Variants in XKR6 observed in about 807,000 individuals in gnomAD.
The protein encoded by XKR6 is XK related 6, also known as XK-related protein 6.
XKR6 carries 22 observed loss-of-function variants against 56.7 expected under a neutral mutation model. The observed-to-expected ratio is 0.39, with a 90% CI of 0.28 to 0.55. The LOEUF is 0.55. XKR6 is among the 20% of genes least tolerant of loss of function. The pLI is 0.66. For missense variants in XKR6, 852 were observed against 889.0 expected (o/e 0.96, Z 0.53); for synonymous variants, 524 against 387.8 (o/e 1.35, Z -4.13).
intron 2 of XKR6, among the ~76,000 whole-genome samples, chr8:10,900,902 T>A (rs1476933829): frequency 7.0e-6 from 1 of 142,118 alleles, no homozygotes; most frequent in Non-Finnish European, 1.5e-5. Context: ...TCGCTCAGGC[T>A]GGAGTGCAGA....
chr8:11,098,421 T>G (rs1212647622), intron 1 of XKR6, among the ~76,000 whole-genome samples: 1 of 152,158 alleles, frequency 6.6e-6, no homozygotes, highest in Non-Finnish European at 1.5e-5. Context: ...TTTAGCAGTC[T>G]CGAGTTTTTC....
intron 1 of XKR6, among the ~76,000 whole-genome samples, chr8:11,053,654 C>G (rs982307225): frequency 1.2e-4 from 19 of 152,262 alleles, no homozygotes; most frequent in African/African-American, 4.6e-4. Context: ...CTTGTTCTCT[C>G]TGGAACCAGC....
intron 1 of XKR6, among the ~76,000 whole-genome samples, chr8:10,969,608 G>C (rs1371343048): frequency 6.6e-6 from 1 of 152,198 alleles, no homozygotes; most frequent in Non-Finnish European, 1.5e-5. Context: ...ACAGAATCAC[G>C]GGCTGGTGGG....
intron 1 of XKR6, among the ~76,000 whole-genome samples, chr8:11,145,563 T>C (rs559929279): frequency 3.3e-4 from 50 of 152,322 alleles, no homozygotes; most frequent in Middle Eastern, 3.4e-3. Context: ...ACTGTATTTC[T>C]ATAAAAATAA....
intron 1 of XKR6, among the ~76,000 whole-genome samples, chr8:11,092,287 G>A (rs113143353): frequency 2.6e-5 from 4 of 152,148 alleles, no homozygotes; most frequent in African/African-American, 7.2e-5. Context: ...ACACACACAC[G>A]CACTTATGAA....
chr8:11,070,390 T>C (rs1157060345), intron 1 of XKR6, among the ~76,000 whole-genome samples: 1 of 152,232 alleles, frequency 6.6e-6, no homozygotes, highest in Non-Finnish European at 1.5e-5. Context: ...TTGCTAGATT[T>C]CACATATGTA....
At chr8:11,098,523 C>A (rs974907977) in intron 1 of XKR6, among the ~76,000 whole-genome samples, 3 of 152,142 alleles carry the variant, frequency 2.0e-5, no homozygotes, top group African/African-American at 7.2e-5. Flanking sequence ...AATTTCACAA[C>A]TGGGACAGGA....
chr8:10,979,045 C>G (rs1476295993), intron 1 of XKR6, among the ~76,000 whole-genome samples: 2 of 152,136 alleles, frequency 1.3e-5, no homozygotes, highest in Admixed American at 1.3e-4. Context: ...TTTTTCCTAT[C>G]AAAGCCTGCT....
At chr8:10,950,894 C>T (rs1415204659) in intron 1 of XKR6, among the ~76,000 whole-genome samples, 3 of 152,204 alleles carry the variant, frequency 2.0e-5, no homozygotes, top group African/African-American at 7.2e-5. Flanking sequence ...GGTACTGTCA[C>T]TACATTTTTC....
intron 1 of XKR6, among the ~76,000 whole-genome samples, chr8:10,948,066 G>A (rs1017684214): frequency 6.6e-6 from 1 of 152,186 alleles, no homozygotes; most frequent in African/African-American, 2.4e-5. Flanking sequence ...CCTCAGAGAA[G>A]GGGACTCAGG....
intron 1 of XKR6, among the ~76,000 whole-genome samples, chr8:11,147,177 T>C (rs1302406299): frequency 1.3e-5 from 2 of 152,072 alleles, no homozygotes; most frequent in African/African-American, 4.8e-5. Flanking sequence ...CTTGATGGTG[T>C]TAATGGTTCC....
intron 1 of XKR6, chr8:11,124,268 C>G: frequency 2.9e-6 from 1 of 344,326 alleles, no homozygotes. Flanking sequence ...CTCTGTTAGG[C>G]AAAACACAAA....
At chr8:11,025,942 G>C (rs1160721208) in intron 1 of XKR6, among the ~76,000 whole-genome samples, 3 of 152,124 alleles carry the variant, frequency 2.0e-5, no homozygotes, top group South Asian at 2.1e-4. Context: ...AGATATCAAA[G>C]ACCAGATATC....
intron 1 of XKR6, among the ~76,000 whole-genome samples, chr8:11,172,201 C>A (rs1802411998): frequency 6.6e-6 from 1 of 152,008 alleles, no homozygotes; most frequent in South Asian, 2.1e-4. Context: ...GAACACCCAT[C>A]TCTACAAAAA....
intron 1 of XKR6, among the ~76,000 whole-genome samples, chr8:11,172,859 C>T (rs551596442): frequency 6.6e-6 from 1 of 152,248 alleles, no homozygotes; most frequent in Non-Finnish European, 1.5e-5. Context: ...ACGGGGAAAA[C>T]ATTTACTTTT....
At chr8:11,183,520 C>A (rs1277372420) in intron 1 of XKR6, among the ~76,000 whole-genome samples, 1 of 151,706 alleles carries the variant, frequency 6.6e-6, no homozygotes, top group Non-Finnish European at 1.5e-5. Flanking sequence ...AGGGTCCCAC[C>A]ATGCTGGGCT....
At chr8:11,011,436 G>A (rs2129146013) in intron 1 of XKR6, among the ~76,000 whole-genome samples, 1 of 152,364 alleles carries the variant, frequency 6.6e-6, no homozygotes, top group South Asian at 2.1e-4. Flanking sequence ...GCACCAGGCT[G>A]AGGAGGGTCC....
At chr8:11,132,077 C>A (rs997880850) in intron 1 of XKR6, among the ~76,000 whole-genome samples, 3 of 152,142 alleles carry the variant, frequency 2.0e-5, no homozygotes, top group Admixed American at 2.0e-4. Flanking sequence ...AGCACTGCTG[C>A]ACTCCACTGA....
intron 1 of XKR6, among the ~76,000 whole-genome samples, chr8:11,028,409 C>T (rs1034812400): frequency 3.9e-5 from 6 of 152,232 alleles, no homozygotes; most frequent in East Asian, 1.9e-4. Context: ...AGCTGCTATA[C>T]GCATCTGTAT....
Sources: allele counts gnomAD v4.1 joint callset (sites outside exome capture counted in the v4.1 genomes callset), GRCh38; gene constraint gnomAD v4.1.1; transcripts MANE v1.5; gene names NCBI Gene and HGNC (gene_info 2026-07-23, HGNC 2026-07-21).